Variants in LRRTM4 observed in about 807,000 individuals in gnomAD.
LRRTM4 encodes leucine-rich repeat transmembrane neuronal protein 4.
In LRRTM4, 25 loss-of-function variants were observed where a neutral mutation model predicts 47.6. The ratio of observed to expected loss-of-function variants is 0.53; its 90% confidence interval spans 0.38 to 0.73. LRRTM4 has a LOEUF of 0.73. LRRTM4 is among the 30% of genes least tolerant of loss of function. LRRTM4 has a pLI of 0.00. For synonymous variants in LRRTM4, 311 were observed against 269.5 expected, an observed-to-expected ratio of 1.15 and a Z score of -1.51; for missense variants, 638 against 713.4, an observed-to-expected ratio of 0.89 and a Z score of 1.20.
intron 3 of LRRTM4, among the ~76,000 whole-genome samples, chr2:76,900,027 G>T (rs1023814112): frequency 2.6e-5 from 4 of 152,110 alleles, no homozygotes; most frequent in Non-Finnish European, 5.9e-5. Flanking sequence ...ATAGGAGTTT[G>T]AGACCAGCCT....
chr2:77,024,711 A>G lies in LRRTM4; in HGVS notation c.1552-275795T>C, dbSNP rs541405139. On this transcript the variant is annotated intron_variant, in intron 3 of 3. Coordinates refer to ENST00000409884, the MANE Select transcript of LRRTM4 (RefSeq NM_001134745.3). ...TCCAGTTTCAGAATGGAACAAAATT[A>G]CATGTATGAACCACTCTGAAAATAT... Among the ~76,000 whole-genome samples, 6 of 152,274 alleles carry G rather than the reference A, an allele frequency of 3.9e-5. No homozygotes were observed. In the South Asian group the frequency reaches 8.3e-4, roughly 21 times the overall value.
chr2:76,956,954 AAAAAG>A (rs746449475), intron 3 of LRRTM4, among the ~76,000 whole-genome samples: 7 of 151,696 alleles, frequency 4.6e-5, no homozygotes, highest in East Asian at 1.9e-4. Flanking sequence ...AAACTTCCCA[AAAAAG>A]AAAAGTTCAT....
chr2:77,437,971 T>C (rs1399082295), intron 3 of LRRTM4, among the ~76,000 whole-genome samples: 1 of 152,156 alleles, frequency 6.6e-6, no homozygotes, highest in Admixed American at 6.5e-5. Context: ...CAAGTTATTA[T>C]GGAGATTTAA....
chr2:77,471,040 G>A (rs1677170423), intron 3 of LRRTM4, among the ~76,000 whole-genome samples: 2 of 152,020 alleles, frequency 1.3e-5, no homozygotes. Context: ...TGATGTCTAT[G>A]TATCTATCTA....
chr2:77,362,563 T>C (rs1444665460), intron 3 of LRRTM4, among the ~76,000 whole-genome samples: 1 of 152,136 alleles, frequency 6.6e-6, no homozygotes, highest in Non-Finnish European at 1.5e-5. Context: ...TCAGATATCA[T>C]CCTAAAACTG....
chr2:77,269,404 T>C (rs1005302831), intron 3 of LRRTM4, among the ~76,000 whole-genome samples: 1 of 152,092 alleles, frequency 6.6e-6, no homozygotes, highest in Non-Finnish European at 1.5e-5. Context: ...AAGTTAAACA[T>C]AGAAATAAGA....
intron 3 of LRRTM4, among the ~76,000 whole-genome samples, chr2:77,182,034 C>A (rs527414051): frequency 2.0e-5 from 3 of 152,210 alleles, no homozygotes; most frequent in Admixed American, 6.5e-5. Context: ...GGAACTAGAA[C>A]CAGAAATGCC....
chr2:77,339,508 T>C (rs1469187625), intron 3 of LRRTM4, among the ~76,000 whole-genome samples: 1 of 152,062 alleles, frequency 6.6e-6, no homozygotes, highest in Non-Finnish European at 1.5e-5. Flanking sequence ...TAAATACTTG[T>C]TAAATGACTA....
At chr2:76,794,414 C>G (rs966117669) in intron 3 of LRRTM4, among the ~76,000 whole-genome samples, 1 of 152,098 alleles carries the variant, frequency 6.6e-6, no homozygotes, top group Non-Finnish European at 1.5e-5. Context: ...TATGACTAAT[C>G]GGCTTTACCA....
intron 3 of LRRTM4, among the ~76,000 whole-genome samples, chr2:77,407,993 C>T (rs918492086): frequency 1.3e-5 from 2 of 151,934 alleles, no homozygotes; most frequent in African/African-American, 4.8e-5. Flanking sequence ...AACCTGTCTT[C>T]TTAACCTTGA....
chr2:77,029,224 A>G (rs1408610558), intron 3 of LRRTM4, among the ~76,000 whole-genome samples: 1 of 151,850 alleles, frequency 6.6e-6, no homozygotes, highest in East Asian at 1.9e-4. Context: ...AATAGGATAG[A>G]TGTATATATG....
chr2:77,322,201 G>A (rs1004644877), intron 3 of LRRTM4, among the ~76,000 whole-genome samples: 15 of 152,060 alleles, frequency 9.9e-5, no homozygotes, highest in East Asian at 1.9e-4. Context: ...GCAATTATAC[G>A]AATAGATTTT....
intron 3 of LRRTM4, among the ~76,000 whole-genome samples, chr2:76,871,252 G>C (rs1446981545): frequency 6.6e-6 from 1 of 152,118 alleles, no homozygotes. Context: ...TCAAACTGCT[G>C]TGTCTGATGT....
In LRRTM4 at chr2:77,180,567, A is replaced by G. The variant is rs564496963; in HGVS notation, c.1551+337751T>C. On this transcript the variant is annotated intron_variant, in intron 3 of 3. Coordinates refer to ENST00000409884, the MANE Select transcript of LRRTM4 (RefSeq NM_001134745.3). ...AGACCTGTTGAGAAATTCATGTAAA[A>G]CCTTCACATCAATAAAATATACCTT... 2.0e-5 allele frequency among the ~76,000 whole-genome samples: 3 copies of G among 152,236 alleles called. No individual in the cohort carries two copies. In the East Asian group the frequency reaches 5.8e-4, roughly 29 times the overall value.
At chr2:77,362,170 A>AAAGAAAGAAAGAAAGG (rs1282143102) in intron 3 of LRRTM4, among the ~76,000 whole-genome samples, 2,519 of 132,780 alleles carry the variant, frequency 0.019, 46 homozygotes, top group Admixed American at 0.03. Flanking sequence ...AGAAAGAAAG[A>AAAGAAAGAAAGAAAGG]AAGGAAGGAA....
At chr2:77,394,439 A>G (rs1573356048) in intron 3 of LRRTM4, among the ~76,000 whole-genome samples, 1 of 151,962 alleles carries the variant, frequency 6.6e-6, no homozygotes, top group East Asian at 1.9e-4. Context: ...TGTCAAGTAA[A>G]AAATCATGAG....
At chr2:77,049,640 A>G (rs1679361107) in intron 3 of LRRTM4, among the ~76,000 whole-genome samples, 1 of 150,482 alleles carries the variant, frequency 6.6e-6, no homozygotes, top group African/African-American at 2.5e-5. Flanking sequence ...AAATTAAATT[A>G]ATTTTTTTGT....
chr2:77,450,829 TTA>T (rs558294476), intron 3 of LRRTM4, among the ~76,000 whole-genome samples: 4 of 152,064 alleles, frequency 2.6e-5, no homozygotes, highest in Non-Finnish European at 5.9e-5. Flanking sequence ...CCCATCTATT[TTA>T]TATATATATG....
chr2:76,941,946 C>T (rs904354292), intron 3 of LRRTM4, among the ~76,000 whole-genome samples: 1 of 152,206 alleles, frequency 6.6e-6, no homozygotes, highest in Non-Finnish European at 1.5e-5. Context: ...AAAATCATTA[C>T]TATTTTTCCA....
Sources: allele counts gnomAD v4.1 joint callset (sites outside exome capture counted in the v4.1 genomes callset), GRCh38; gene constraint gnomAD v4.1.1; transcripts MANE v1.5; gene names NCBI Gene and HGNC (gene_info 2026-07-23, HGNC 2026-07-21).